The following RTKN2 variants were observed in gnomAD, a reference collection of about 807,000 sequenced individuals.
RTKN2 encodes the protein rhotekin-2.
Under a neutral mutation model 71.5 loss-of-function variants are expected in RTKN2, and 69 were observed. The ratio of observed to expected loss-of-function variants is 0.96; its 90% CI spans 0.79 to 1.18. The LOEUF is 1.18. Ranked by LOEUF, RTKN2 falls within the 50% of genes most tolerant of loss-of-function variation. The pLI, the probability that RTKN2 is intolerant of heterozygous loss-of-function variation, is 0.00. For missense variants in RTKN2, 724 were observed against 719.7 expected (o/e 1.01, Z -0.07); for synonymous variants, 236 against 236.5 (o/e 1.00, Z 0.02).
intron 4 of RTKN2, among the ~76,000 whole-genome samples, chr10:62,240,373 T>C (rs180993187): frequency 2.0e-5 from 3 of 152,184 alleles, no homozygotes; most frequent in Non-Finnish European, 4.4e-5. Context: ...ATCCTCATTA[T>C]TGAGAAAATG....
intron 10 of RTKN2, among the ~76,000 whole-genome samples, chr10:62,202,873 T>C (rs112750283): frequency 0.046 from 7,006 of 152,284 alleles, 513 homozygotes; most frequent in African/African-American, 0.16. Flanking sequence ...ATAACAATTA[T>C]ACAATAGCTG....
chr10:62,215,053 T>G, intron 9 of RTKN2: 1 of 1,514,306 alleles, frequency 6.6e-7, no homozygotes, highest in South Asian at 1.2e-5. Context: ...ATATGGCGAG[T>G]TGAATTCCTT....
chr10:62,220,461 G>C (rs1164484778), intron 7 of RTKN2, among the ~76,000 whole-genome samples: 1 of 152,102 alleles, frequency 6.6e-6, no homozygotes, highest in Non-Finnish European at 1.5e-5. Context: ...TGTAAATTTA[G>C]AAGTTTGAAA....
In RTKN2 at chr10:62,195,833, C is replaced by A. The variant is rs898689357; in HGVS notation, c.*2075G>T. 9.1e-6 allele frequency: 9 copies of A among 985,288 alleles called. No homozygotes were observed. The Admixed American group carries it at 1.8e-4, about 20-fold the overall frequency. The allele number at this position is 985,288 out of a possible 1,614,324, so 61.0% of individuals were successfully genotyped here. A position where few individuals can be genotyped will look rare whatever the true frequency, so the allele number is the denominator to read the frequency against. ...GGTGGGGAGGGGGTGGTGGTCCTTGCTCAGGCTTTTAAATGGTTCTAGGTA... is the reference window on the plus strand; with the variant it reads ...GGTGGGGAGGGGGTGGTGGTCCTTGATCAGGCTTTTAAATGGTTCTAGGTA... On this transcript the variant is annotated 3_prime_UTR_variant, in exon 12 of 12. Coordinates refer to ENST00000373789, the MANE Select transcript of RTKN2 (RefSeq NM_145307.4).
chr10:62,239,528 T>A (rs1842327185), intron 5 of RTKN2, 120 bp downstream of exon 5: 9 of 509,682 alleles, frequency 1.8e-5, no homozygotes, highest in Non-Finnish European at 3.1e-5. Context: ...TATTAAACAT[T>A]TAAAGATCAC....
chr10:62,221,798 G>A (rs747640033), intron 7 of RTKN2, among the ~76,000 whole-genome samples: 2 of 152,026 alleles, frequency 1.3e-5, no homozygotes, highest in Non-Finnish European at 2.9e-5. Flanking sequence ...TTACAAGAAT[G>A]AGAATTAAAA....
intron 6 of RTKN2, among the ~76,000 whole-genome samples, chr10:62,234,173 G>C (rs954815163): frequency 2.0e-5 from 3 of 152,102 alleles, no homozygotes; most frequent in Non-Finnish European, 2.9e-5. Context: ...GTTTCCCACT[G>C]ATCAAAGATG....
intron 7 of RTKN2, among the ~76,000 whole-genome samples, chr10:62,218,817 C>T (rs1841837039): frequency 1.6e-5 from 1 of 62,590 alleles, no homozygotes; most frequent in African/African-American, 5.7e-5. Flanking sequence ...GAAACCCTGT[C>T]TCTACTAAAA....
At chr10:62,238,126 G>C in intron 5 of RTKN2, 1 of 151,946 alleles carries the variant, frequency 6.6e-6, no homozygotes, top group African/African-American at 2.4e-5. Context: ...CCAATCTATA[G>C]TTTGAAAAAA....
intron 7 of RTKN2, among the ~76,000 whole-genome samples, chr10:62,220,056 G>A (rs961358034): frequency 1.3e-5 from 2 of 152,046 alleles, no homozygotes; most frequent in African/African-American, 2.4e-5. Flanking sequence ...CTACAAAATC[G>A]CTAGCTACTG....
At chr10:62,188,774 G>A (rs1158448402), downstream of RTKN2, among the ~76,000 whole-genome samples, 1 of 151,102 alleles carries the variant, frequency 6.6e-6, no homozygotes, top group African/African-American at 2.4e-5. Flanking sequence ...TTGAGACTGA[G>A]TCTCCCTCTG....
At position 62,194,509 on chromosome 10, in the gene RTKN2, G is replaced by C. The variant is rs1447117247; in HGVS notation, c.*3399C>G. ...ACTCTTTAACAAGAAAATGAGTTTT[G>C]ATAAATTCAGACCACAGGGACAGAT... On this transcript the variant is annotated 3_prime_UTR_variant, in exon 12 of 12. Transcript: ENST00000373789. 6 of 984,042 alleles carry C rather than the reference G, an allele frequency of 6.1e-6. No homozygotes were observed. The highest frequency in any genetic ancestry group is 7.2e-6 in the Non-Finnish European group (6 of 828,844). 61.0% of individuals were successfully genotyped at this position (984,042 alleles called of 1,614,324 possible).
intron 3 of RTKN2, among the ~76,000 whole-genome samples, chr10:62,241,557 C>T (rs1460928706): frequency 2.0e-5 from 3 of 152,082 alleles, no homozygotes; most frequent in Non-Finnish European, 4.4e-5. Flanking sequence ...TACTGTCTAG[C>T]TAAATACCAA....
chr10:62,223,379 C>T (rs1421706024), intron 6 of RTKN2, 47 bp from the exon 7 acceptor site: 4 of 1,093,526 alleles, frequency 3.7e-6, no homozygotes, highest in Non-Finnish European at 4.2e-6. Context: ...TGTATTTCTA[C>T]TACTACACAA....
chr10:62,243,140 C>A (rs1177157095), intron 3 of RTKN2, among the ~76,000 whole-genome samples: 3 of 115,402 alleles, frequency 2.6e-5, no homozygotes, highest in African/African-American at 6.7e-5. Context: ...CCCCTCCCCC[C>A]ACCCCACAAC....
Position 62,194,852 on chromosome 10 carries a change from A to AG in RTKN2, c.*3055dup. ...CATTTAGTAAGATCCCAAAGGGTAA[A>AG]GATAAGGCATTTATAATAAATGGAT... On this transcript the variant is annotated 3_prime_UTR_variant, in exon 12 of 12. Transcript: ENST00000373789. The AG allele has an allele frequency of 3.0e-6, 3 of 985,216 alleles. No homozygotes were observed. The highest frequency in any genetic ancestry group is 3.6e-6 in the Non-Finnish European group (3 of 829,732). The allele number at this position is 985,216 out of a possible 1,614,324, so 61.0% of individuals were successfully genotyped here.
chr10:62,207,674 C>T (rs1380646451), intron 9 of RTKN2, among the ~76,000 whole-genome samples: 1 of 152,022 alleles, frequency 6.6e-6, no homozygotes, highest in African/African-American at 2.4e-5. Context: ...TTGGTAATTC[C>T]CTGCCTCCCC....
chr10:62,240,091 C>T (rs1041801950), intron 4 of RTKN2, among the ~76,000 whole-genome samples: 4 of 151,992 alleles, frequency 2.6e-5, no homozygotes, highest in Non-Finnish European at 4.4e-5. Context: ...CACACATGCG[C>T]GGGCATGCAA....
At chr10:62,244,276 G>C (rs1221778104) in intron 3 of RTKN2, among the ~76,000 whole-genome samples, 1 of 152,114 alleles carries the variant, frequency 6.6e-6, no homozygotes, top group East Asian at 1.9e-4. Flanking sequence ...AAGACATTAC[G>C]TAAGTATCCG....
Sources: gnomAD v4.1 joint callset for allele counts (sites outside exome capture counted in the v4.1 genomes callset) on GRCh38, gnomAD v4.1.1 for gene constraint, MANE v1.5 for transcripts, NCBI Gene and HGNC (gene_info 2026-07-23, HGNC 2026-07-21) for gene names.